The following GPC5 variants were observed in gnomAD, a reference collection of about 807,000 sequenced individuals.
The protein encoded by GPC5 is glypican-5.
In GPC5, 47 loss-of-function variants were observed where a neutral mutation model predicts 53.9. The ratio of observed to expected loss-of-function variants is 0.87; its 90% CI spans 0.69 to 1.11. GPC5 has a LOEUF of 1.11. GPC5 is among the 50% of genes most tolerant of loss of function. The pLI is 0.00. For missense variants in GPC5, 748 were observed against 713.1 expected, an observed-to-expected ratio of 1.05 and a Z score of -0.56; for synonymous variants, 286 against 263.3, an observed-to-expected ratio of 1.09 and a Z score of -0.84.
At position 92,660,619 on chromosome 13, in the gene GPC5, C is replaced by G. The variant is rs553975060; in HGVS notation, c.1562-205663C>G. On this transcript the variant is annotated intron_variant, in intron 7 of 7. Coordinates refer to ENST00000377067, the MANE Select transcript of GPC5 (RefSeq NM_004466.6). ...CATTATTGATGGTTTCTTCTTCCCT[C>G]TCTTCCACGTAATGATCTCTCTGCA... 9.2e-5 allele frequency among the ~76,000 whole-genome samples: 14 copies of G among 151,968 alleles called. 1 individual carries two copies. The South Asian group carries it at 2.3e-3, about 25-fold the overall frequency.
intron 7 of GPC5, among the ~76,000 whole-genome samples, chr13:92,601,458 G>A (rs1884051044): frequency 6.7e-6 from 1 of 148,770 alleles, no homozygotes; most frequent in Non-Finnish European, 1.5e-5. Flanking sequence ...GGGAGGCTGA[G>A]GAAGGAGAAT....
At chr13:91,626,659 T>G (rs1224241592) in intron 2 of GPC5, among the ~76,000 whole-genome samples, 1 of 152,026 alleles carries the variant, frequency 6.6e-6, no homozygotes, top group Non-Finnish European at 1.5e-5. Context: ...TATTTTATTT[T>G]TTTATTTGTT....
chr13:92,426,805 G>A (rs1876854984), intron 7 of GPC5, among the ~76,000 whole-genome samples: 1 of 151,958 alleles, frequency 6.6e-6, no homozygotes, highest in Non-Finnish European at 1.5e-5. Flanking sequence ...ATTAGAACAT[G>A]GATCCATAGA....
At chr13:91,415,254 A>G (rs1476919475) in intron 1 of GPC5, among the ~76,000 whole-genome samples, 1 of 152,146 alleles carries the variant, frequency 6.6e-6, no homozygotes, top group Non-Finnish European at 1.5e-5. Flanking sequence ...CTTGCTGTAA[A>G]AGTGGTGAAT....
At chr13:91,483,729 C>T (rs1377895052) in intron 2 of GPC5, among the ~76,000 whole-genome samples, 3 of 152,188 alleles carry the variant, frequency 2.0e-5, no homozygotes, top group African/African-American at 7.2e-5. Context: ...AAATAATACA[C>T]AGTAAGTCCT....
At chr13:91,729,747 C>A (rs1197272379) in intron 4 of GPC5, among the ~76,000 whole-genome samples, 3 of 152,140 alleles carry the variant, frequency 2.0e-5, no homozygotes, top group Non-Finnish European at 4.4e-5. Flanking sequence ...CTTGAAAAAT[C>A]AGTATATTTT....
At chr13:92,479,531 T>C (rs543569495) in intron 7 of GPC5, among the ~76,000 whole-genome samples, 29 of 152,268 alleles carry the variant, frequency 1.9e-4, no homozygotes, top group Admixed American at 1.8e-3. Context: ...TATAGATGGC[T>C]CTAGAAGTTT....
At chr13:91,614,075 G>A (rs552842964) in intron 2 of GPC5, among the ~76,000 whole-genome samples, 2 of 152,296 alleles carry the variant, frequency 1.3e-5, no homozygotes, top group South Asian at 4.1e-4. Flanking sequence ...GAGATATGCT[G>A]GATGTAGTCA....
chr13:92,819,379 T>C (rs1227556238), intron 7 of GPC5, among the ~76,000 whole-genome samples: 1 of 152,142 alleles, frequency 6.6e-6, no homozygotes, highest in Non-Finnish European at 1.5e-5. Flanking sequence ...AATGAAGAAG[T>C]TGGCCCTACA....
At chr13:92,424,615 T>A (rs1452645875) in intron 7 of GPC5, among the ~76,000 whole-genome samples, 1 of 151,620 alleles carries the variant, frequency 6.6e-6, no homozygotes, top group African/African-American at 2.4e-5. Flanking sequence ...AAGTTACATC[T>A]GTTCTTCCAT....
chr13:91,719,380 C>A lies in GPC5; in HGVS notation c.1021-9152C>A, dbSNP rs142402692. Among the ~76,000 whole-genome samples, 143 of 152,304 alleles carry A rather than the reference C, an allele frequency of 9.4e-4. 1 individual carries two copies. The highest frequency in any genetic ancestry group is 7.3e-3 in the East Asian group (38 of 5,182). Reference sequence around the variant, plus strand: ...ATGAAGCCTTACTTTCCTGTTTATACCAGTGACCATCAGGAGCTGAAGACT... The same window carrying A: ...ATGAAGCCTTACTTTCCTGTTTATAACAGTGACCATCAGGAGCTGAAGACT... On this transcript the variant is annotated intron_variant, in intron 3 of 7. Transcript: ENST00000377067.
chr13:91,533,097 T>C (rs1457190692), intron 2 of GPC5, among the ~76,000 whole-genome samples: 1 of 152,192 alleles, frequency 6.6e-6, no homozygotes, highest in Non-Finnish European at 1.5e-5. Flanking sequence ...TGTGAATTTA[T>C]TGGAAAGATG....
chr13:91,923,183 G>A (rs1257419112), intron 6 of GPC5, among the ~76,000 whole-genome samples: 2 of 152,066 alleles, frequency 1.3e-5, no homozygotes, highest in Non-Finnish European at 2.9e-5. Context: ...GCCATACATA[G>A]CTTTTGACTG....
chr13:91,425,448 C>T (rs1464980076), intron 1 of GPC5, among the ~76,000 whole-genome samples: 1 of 150,756 alleles, frequency 6.6e-6, no homozygotes, highest in Non-Finnish European at 1.5e-5. Context: ...GAGCAGTTTC[C>T]CCCATGCTCT....
chr13:91,546,651 A>G (rs1252052688), intron 2 of GPC5, among the ~76,000 whole-genome samples: 1 of 152,054 alleles, frequency 6.6e-6, no homozygotes, highest in East Asian at 1.9e-4. Context: ...CCCTTCAATT[A>G]AAAAAAGTCA....
intron 2 of GPC5, among the ~76,000 whole-genome samples, chr13:91,648,073 G>C (rs2034604311): frequency 6.6e-6 from 1 of 152,182 alleles, no homozygotes; most frequent in African/African-American, 2.4e-5. Context: ...ACTCAGTGGT[G>C]ATCCCTTTTT....
intron 6 of GPC5, among the ~76,000 whole-genome samples, chr13:92,108,969 C>CA (rs1353012562): frequency 6.6e-6 from 1 of 151,738 alleles, no homozygotes; most frequent in African/African-American, 2.4e-5. Flanking sequence ...CATGGTTTCT[C>CA]AAACAGACCC....
intron 7 of GPC5, among the ~76,000 whole-genome samples, chr13:92,841,366 TA>T (rs1566441077): frequency 6.6e-6 from 1 of 152,174 alleles, no homozygotes; most frequent in Non-Finnish European, 1.5e-5. Context: ...AGTGATTTTT[TA>T]AATCTTTATT....
chr13:92,432,234 G>A (rs1055367963), intron 7 of GPC5, among the ~76,000 whole-genome samples: 8 of 152,128 alleles, frequency 5.3e-5, no homozygotes, highest in South Asian at 4.1e-4. Flanking sequence ...CCCTGATATC[G>A]TACTTCTGCC....
Sources: gnomAD v4.1 joint callset for allele counts (sites outside exome capture counted in the v4.1 genomes callset) on GRCh38, gnomAD v4.1.1 for gene constraint, MANE v1.5 for transcripts, NCBI Gene and HGNC (gene_info 2026-07-23, HGNC 2026-07-21) for gene names.